CACNA1E: variants seen among roughly 807,000 people sequenced by gnomAD.
The protein encoded by CACNA1E is voltage-dependent R-type calcium channel subunit alpha-1E.
Under a neutral mutation model 259.2 loss-of-function variants are expected in CACNA1E, and 40 were observed. The ratio of observed to expected loss-of-function variants is 0.15; its 90% confidence interval spans 0.12 to 0.20. The LOEUF (loss-of-function observed/expected upper bound fraction) is 0.20, where lower values mean the gene tolerates loss of function less well. Ranked by LOEUF, CACNA1E falls within the 10% of genes least tolerant of loss-of-function variation. The pLI is 1.00. For synonymous variants in CACNA1E, 1,104 were observed against 1,138.5 expected (o/e 0.97, Z 0.61); for missense variants, 1,874 against 3,040.1 (o/e 0.62, Z 9.02).
At chr1:181,722,480 C>A (rs1374933996) in intron 16 of CACNA1E, among the ~76,000 whole-genome samples, 1 of 152,136 alleles carries the variant, frequency 6.6e-6, no homozygotes, top group Admixed American at 6.5e-5. Flanking sequence ...GTGCCCTATC[C>A]AATCACAAGA....
At chr1:181,709,339 T>C (rs761603904) in intron 7 of CACNA1E, among the ~76,000 whole-genome samples, 1 of 152,200 alleles carries the variant, frequency 6.6e-6, no homozygotes, top group East Asian at 1.9e-4. Flanking sequence ...TAGAACCCAA[T>C]GAACCTGAAG....
In CACNA1E at chr1:181,625,330, A is replaced by G. The variant is rs576049369; in HGVS notation, c.952-26008A>G. 8.5e-5 allele frequency among the ~76,000 whole-genome samples: 13 copies of G among 152,072 alleles called. No homozygotes were observed. The East Asian group carries it at 2.5e-3, about 29-fold the overall frequency. ...CCAAACGTCGTCTTCTCTACTTACG[A>G]TTTTCTCGTCTCTAGTTATGAAAGT... On this transcript the variant is annotated intron_variant, in intron 6 of 47. Coordinates refer to ENST00000367573, the MANE Select transcript of CACNA1E (RefSeq NM_001205293.3).
rs1395431580 is a variant in CACNA1E at position 181,806,479 on chromosome 1, A to G, written c.*7645A>G. 1 of 152,230 alleles carries G rather than the reference A, an allele frequency of 6.6e-6. No individual in the cohort carries two copies. Among genetic ancestry groups the G allele is most frequent in the East Asian group, 1.9e-4 (1 of 5,190 alleles). The allele number at this position is 152,230 out of a possible 1,614,324, so 9.4% of individuals were successfully genotyped here. A position where few individuals can be genotyped will look rare whatever the true frequency, so the allele number is the denominator to read the frequency against. On this transcript the variant is annotated 3_prime_UTR_variant, in exon 48 of 48. Transcript: ENST00000367573. Reference sequence around the variant, plus strand: ...AGGCTGTTAAAATGCTGCTACCTGCATTCTAAAACGTGCAAGTCATGCCCC... The same window carrying G: ...AGGCTGTTAAAATGCTGCTACCTGCGTTCTAAAACGTGCAAGTCATGCCCC...
chr1:181,418,341 T>G (rs1360764306), intron 2 of CACNA1E, among the ~76,000 whole-genome samples: 1 of 152,188 alleles, frequency 6.6e-6, no homozygotes, highest in Non-Finnish European at 1.5e-5. Flanking sequence ...TGTGGGTTGC[T>G]TCTCAATCTC....
intron 44 of CACNA1E, among the ~76,000 whole-genome samples, chr1:181,792,771 G>C (rs1661439933): frequency 6.6e-6 from 1 of 152,132 alleles, no homozygotes; most frequent in East Asian, 1.9e-4. Context: ...TTGTTAGGTA[G>C]CCCACGTAAA....
intron 3 of CACNA1E, among the ~76,000 whole-genome samples, chr1:181,519,282 G>A (rs1666823508): frequency 6.6e-6 from 1 of 152,218 alleles, no homozygotes; most frequent in Non-Finnish European, 1.5e-5. Flanking sequence ...GTGCACTTGT[G>A]TCTATGTTGT....
chr1:181,617,023 T>C (rs1655282685), intron 6 of CACNA1E, among the ~76,000 whole-genome samples: 2 of 152,334 alleles, frequency 1.3e-5, no homozygotes, highest in South Asian at 4.1e-4. Flanking sequence ...ATGTCCTTTT[T>C]TCATTCCTGA....
At chr1:181,472,094 G>T (rs1171925447) in intron 2 of CACNA1E, among the ~76,000 whole-genome samples, 1 of 152,032 alleles carries the variant, frequency 6.6e-6, no homozygotes, top group East Asian at 1.9e-4. Context: ...AAAAGAAGTA[G>T]ATCCTGCCAT....
intron 41 of CACNA1E, 120 bp downstream of exon 41, chr1:181,784,888 G>A: frequency 1.6e-6 from 1 of 636,054 alleles, no homozygotes; most frequent in South Asian, 1.9e-5. Flanking sequence ...CAATTAATAA[G>A]GACAAAAGGG....
intron 1 of CACNA1E, among the ~76,000 whole-genome samples, chr1:181,502,131 G>A (rs1290564171): frequency 6.6e-6 from 1 of 151,956 alleles, no homozygotes; most frequent in African/African-American, 2.4e-5. Context: ...TTCCAGGTTT[G>A]CAGCCAGAGT....
intron 6 of CACNA1E, among the ~76,000 whole-genome samples, chr1:181,629,197 T>A (rs1310547308): frequency 1.3e-5 from 2 of 152,178 alleles, no homozygotes; most frequent in Non-Finnish European, 2.9e-5. Flanking sequence ...GGTTTGGGAT[T>A]AACTAACTGG....
chr1:181,520,571 C>A (rs931042299), intron 3 of CACNA1E, among the ~76,000 whole-genome samples: 1 of 152,106 alleles, frequency 6.6e-6, no homozygotes, highest in East Asian at 1.9e-4. Context: ...TCACTGAAAC[C>A]TATTGCAAAT....
chr1:181,504,649 G>A (rs1050417849), intron 1 of CACNA1E, among the ~76,000 whole-genome samples: 3 of 152,196 alleles, frequency 2.0e-5, no homozygotes, highest in Non-Finnish European at 4.4e-5. Flanking sequence ...CCAGGGCTCC[G>A]GTGACAGCAG....
At chr1:181,504,602 C>T (rs1665550621) in intron 1 of CACNA1E, among the ~76,000 whole-genome samples, 1 of 152,202 alleles carries the variant, frequency 6.6e-6, no homozygotes, top group African/African-American at 2.4e-5. Context: ...GCTTTTCAGG[C>T]TCAGGCAGAT....
chr1:181,602,050 G>A (rs972423516), intron 6 of CACNA1E, among the ~76,000 whole-genome samples: 8 of 152,128 alleles, frequency 5.3e-5, no homozygotes, highest in South Asian at 2.1e-4. Context: ...TCTTTACTCG[G>A]TGAGTTCTTT....
At chr1:181,743,391 T>A (rs1233422696) in intron 25 of CACNA1E, among the ~76,000 whole-genome samples, 4 of 152,226 alleles carry the variant, frequency 2.6e-5, no homozygotes, top group Non-Finnish European at 4.4e-5. Flanking sequence ...CCTGTTGCCA[T>A]CGCTGCTGCT....
At position 181,755,347 on chromosome 1, in the gene CACNA1E, A is replaced by C; in HGVS notation, c.3939A>C (p.Gly1313=). Residue 1313 remains glycine, a synonymous_variant, in exon 28 of 48, where the codon GGA becomes GGC. Transcript: ENST00000367573. ...FAVIAVQLFK[G]KFFYCTDSSK... ...TCATCGCAGTTCAGCTCTTCAAGGG[A>C]AAGTTCTTTTATTGCACGGACAGTT... 1 of 1,613,868 alleles carries C rather than the reference A, an allele frequency of 6.2e-7. No individual in the cohort carries two copies. Among genetic ancestry groups the C allele is most frequent in the Non-Finnish European group, 8.5e-7 (1 of 1,179,806 alleles).
At chr1:181,645,623 G>A (rs756992283) in intron 6 of CACNA1E, among the ~76,000 whole-genome samples, 6 of 152,102 alleles carry the variant, frequency 3.9e-5, no homozygotes, top group African/African-American at 1.4e-4. Flanking sequence ...CTGACTTCCC[G>A]GACCCATGCA....
chr1:181,755,149 G>A, intron 27 of CACNA1E, 88 bp from the exon 28 acceptor site: 2 of 999,672 alleles, frequency 2.0e-6, no homozygotes, highest in Non-Finnish European at 2.9e-6. Context: ...GTGGGGCTGG[G>A]TAGTGGTGGT....
Sources: gnomAD v4.1 joint callset for allele counts (sites outside exome capture counted in the v4.1 genomes callset) on GRCh38, gnomAD v4.1.1 for gene constraint, MANE v1.5 for transcripts, NCBI Gene and HGNC (gene_info 2026-07-23, HGNC 2026-07-21) for gene names.